The following BCL3 variants were observed in gnomAD, a reference collection of about 807,000 sequenced individuals.
BCL3 encodes B-cell lymphoma 3 protein.
In BCL3, 15 loss-of-function variants were observed where a neutral mutation model predicts 35.7. The observed-to-expected ratio is 0.42, with a 90% CI of 0.28 to 0.65. The LOEUF (loss-of-function observed/expected upper bound fraction) is 0.65. BCL3 is among the 30% of genes least tolerant of loss of function. BCL3 has a pLI of 0.22. For missense variants in BCL3, 565 were observed against 641.7 expected (o/e 0.88, Z 1.29); for synonymous variants, 311 against 284.3 (o/e 1.09, Z -0.95).
chr19:44,754,946 C>T (rs188161817), intron 2 of BCL3, among the ~76,000 whole-genome samples: 2 of 152,376 alleles, frequency 1.3e-5, no homozygotes, highest in Admixed American at 6.5e-5. Flanking sequence ...TTCTGCACTC[C>T]ATCAGAACCA....
chr19:44,759,655 C>T lies in BCL3; in HGVS notation c.*40C>T, dbSNP rs968796804. Reference sequence around the variant, plus strand: ...CAGATCTTGGACTCATGAGGAGGGGCCCCCCTGCCCTGTGGGGTCAACCCT... The same window carrying T: ...CAGATCTTGGACTCATGAGGAGGGGTCCCCCTGCCCTGTGGGGTCAACCCT... On this transcript the variant is annotated 3_prime_UTR_variant, in exon 9 of 9. Transcript: ENST00000164227. 1.3e-6 allele frequency: 2 copies of T among 1,490,478 alleles called. No homozygotes were observed. The highest frequency in any genetic ancestry group is 1.4e-5 in the African/African-American group (1 of 71,170). 92.3% of individuals were successfully genotyped at this position (1,490,478 alleles called of 1,614,324 possible). A position where few individuals can be genotyped will look rare whatever the true frequency, so the allele number is the denominator to read the frequency against.
chr19:44,758,598 G>T, intron 7 of BCL3, 126 bp from the exon 8 acceptor site: 1 of 1,257,864 alleles, frequency 7.9e-7, no homozygotes, highest in Non-Finnish European at 1.1e-6. Context: ...AAGAAAAAAA[G>T]TGCCTTGCCC....
intron 2 of BCL3, among the ~76,000 whole-genome samples, chr19:44,754,009 G>A (rs1250794792): frequency 6.6e-6 from 1 of 152,158 alleles, no homozygotes; most frequent in African/African-American, 2.4e-5. Flanking sequence ...AGAATTTCAC[G>A]ACAGCGGCAG....
At chr19:44,758,480 G>A in intron 7 of BCL3, 67 bp downstream of exon 7, 1 of 1,500,440 alleles carries the variant, frequency 6.7e-7, no homozygotes, top group Non-Finnish European at 8.9e-7. Context: ...GCAGGCGAGT[G>A]TGCCAGAGCG....
chr19:44,758,942 C>T lies in BCL3; in HGVS notation c.1177+101C>T, dbSNP rs1967359275. The T allele has an allele frequency of 3.0e-6, 3 of 1,012,256 alleles. No homozygotes were observed. In the African/African-American group the frequency reaches 5.0e-5, roughly 17 times the overall value. The allele number at this position is 1,012,256 out of a possible 1,614,324, so 62.7% of individuals were successfully genotyped here. A position where few individuals can be genotyped will look rare whatever the true frequency, so the allele number is the denominator to read the frequency against. On this transcript the variant is annotated intron_variant, in intron 8 of 8. Transcript: ENST00000164227. ...TCCCTCAGATCCAGGAGTCCAGGCCCCTAGCCTCCTCCCTCTGACCCAGGA... is the reference window on the plus strand; with the variant it reads ...TCCCTCAGATCCAGGAGTCCAGGCCTCTAGCCTCCTCCCTCTGACCCAGGA...
rs372174995 is a variant in BCL3 at position 44,759,418 on chromosome 19, C to A, written c.1178-10C>A. On this transcript the variant is annotated splice_polypyrimidine_tract_variant and intron_variant, in intron 8 of 8. Coordinates refer to ENST00000164227, the MANE Select transcript of BCL3 (RefSeq NM_005178.5). Reference sequence around the variant, plus strand: ...CACCACCCACCCCTCTGTCTCTCTTCCTTCCTCAGGTCTTCTCTCCGCATC... The same window carrying A: ...CACCACCCACCCCTCTGTCTCTCTTACTTCCTCAGGTCTTCTCTCCGCATC... The A allele has an allele frequency of 4.2e-5, 67 of 1,581,410 alleles. No homozygotes were observed. In the African/African-American group the frequency reaches 7.9e-4, roughly 19 times the overall value.
chr19:44,748,883 G>A lies in BCL3; in HGVS notation c.93G>A (p.Pro31=). The A allele has an allele frequency of 1.8e-6, 2 of 1,118,722 alleles. No homozygotes were observed. The highest frequency in any genetic ancestry group is 1.1e-6 in the Non-Finnish European group (1 of 918,046). 69.3% of individuals were successfully genotyped at this position (1,118,722 alleles called of 1,614,324 possible). The change falls in exon 1 of 9, where the codon CCG becomes CCA. Residue 31 remains proline, a synonymous_variant. Coordinates refer to ENST00000164227, the MANE Select transcript of BCL3 (RefSeq NM_005178.5). ...KAAGLPGAAL[P]LRKRPLRAPS... ...CCGGACTCCCGGGCGCCGCGCTGCC[G>A]CTCCGCAAGCGCCCGCTGCGCGCGC...
In BCL3 at chr19:44,757,421, C is replaced by A; in HGVS notation, c.813+6C>A. On this transcript the variant is annotated splice_donor_region_variant and intron_variant, in intron 5 of 8. Transcript: ENST00000164227. The surrounding 1 kb of genome is among the most constrained non-coding windows in gnomAD (Gnocchi z 8.4). ...GTGCCGACATCGACGCAGTGGTGAG[C>A]GTGCACTAGGAGCTGGGAGGGAGCG... The A allele has an allele frequency of 6.9e-7, 1 of 1,439,842 alleles. No individual in the cohort carries two copies. Among genetic ancestry groups the A allele is most frequent in the South Asian group, 1.2e-5 (1 of 85,444 alleles). 89.2% of individuals were successfully genotyped at this position (1,439,842 alleles called of 1,614,324 possible).
intron 2 of BCL3, among the ~76,000 whole-genome samples, chr19:44,751,642 C>T (rs2122282242): frequency 1.3e-5 from 2 of 152,294 alleles, no homozygotes; most frequent in Middle Eastern, 6.8e-3. Flanking sequence ...CACTCTGTCG[C>T]CCAGGCTGGA....
At chr19:44,758,976 C>A in intron 8 of BCL3, 135 bp downstream of exon 8, 3 of 743,964 alleles carry the variant, frequency 4.0e-6, no homozygotes, top group Non-Finnish European at 6.4e-6. Context: ...GAATCCCAAC[C>A]CATAGCCCCT....
Position 44,756,226 on chromosome 19 carries a change from C to A in BCL3, c.411-6C>A, listed in dbSNP as rs748951123. 5 of 1,471,414 alleles carry A rather than the reference C, an allele frequency of 3.4e-6. No homozygotes were observed. Among genetic ancestry groups the A allele is most frequent in the Non-Finnish European group, 4.5e-6 (5 of 1,101,368 alleles). 91.1% of individuals were successfully genotyped at this position (1,471,414 alleles called of 1,614,324 possible). On this transcript the variant is annotated splice_region_variant and splice_polypyrimidine_tract_variant and intron_variant, in intron 2 of 8. Transcript: ENST00000164227. The stretch of plus-strand genomic sequence containing the variant: ...GCCTGTGATTCCTTCACTCCCCCAC[C>A]CCCAGGCCTCTCCATATTGCTGTGG...
chr19:44,750,743 A>C (rs1967163304), intron 1 of BCL3, among the ~76,000 whole-genome samples: 1 of 152,096 alleles, frequency 6.6e-6, no homozygotes, highest in Admixed American at 6.6e-5. Flanking sequence ...AGATCGTGCC[A>C]CTGCACTCCA....
chr19:44,756,985 G>T, intron 3 of BCL3, 32 bp from the exon 4 acceptor site: 1 of 1,568,228 alleles, frequency 6.4e-7, no homozygotes, highest in South Asian at 1.1e-5. Context: ...AGCAGGGCTG[G>T]ACACAGGTCC....
At chr19:44,758,571 G>A in intron 7 of BCL3, 153 bp from the exon 8 acceptor site, 1 of 1,272,322 alleles carries the variant, frequency 7.9e-7, no homozygotes, top group South Asian at 1.4e-5. Context: ...TTCCAGAAAT[G>A]AGGAGAGACT....
At position 44,748,867 on chromosome 19, in the gene BCL3, C is replaced by T; in HGVS notation, c.77C>T (p.Pro26Leu). The change falls in exon 1 of 9, where the codon CCG (proline) becomes CTG (leucine). Residue 26 changes from proline to leucine, a missense_variant. By Grantham distance (98) the Pro-to-Leu change is moderately conservative (BLOSUM62 -3). Transcript: ENST00000164227. The part of the protein sequence containing the change: ...LRTRPKAAGL[P>L]GAALPLRKRP... ...ACCCGGCCCAAGGCCGCCGGACTCC[C>T]GGGCGCCGCGCTGCCGCTCCGCAAG... 9.0e-7 allele frequency: 1 copy of T among 1,107,036 alleles called. No individual in the cohort carries two copies. The highest frequency in any genetic ancestry group is 1.1e-6 in the Non-Finnish European group (1 of 910,698). The allele number at this position is 1,107,036 out of a possible 1,614,324, so 68.6% of individuals were successfully genotyped here.
At chr19:44,758,018 G>A (rs754718040) in intron 6 of BCL3, among the ~76,000 whole-genome samples, 20 of 152,056 alleles carry the variant, frequency 1.3e-4, no homozygotes, top group Admixed American at 7.2e-4. Context: ...CCCCCCTCCA[G>A]CTCCCCCGAC....
intron 3 of BCL3, 117 bp from the exon 4 acceptor site, chr19:44,756,900 C>T: frequency 1.0e-6 from 1 of 995,236 alleles, no homozygotes; most frequent in Admixed American, 2.7e-5. Flanking sequence ...GGAGGTGTCT[C>T]AGGTTTCTGT....
chr19:44,759,306 C>CTCTGGGTCTAG, intron 8 of BCL3, 122 bp from the exon 9 acceptor site: 1 of 681,024 alleles, frequency 1.5e-6, no homozygotes, highest in South Asian at 1.8e-5. Context: ...AGCCCCTCCT[C>CTCTGGGTCTAG]CCTCAGACCC....
intron 1 of BCL3, 28 bp downstream of exon 1, chr19:44,749,074 G>A (rs1568542075): frequency 1.6e-6 from 2 of 1,243,130 alleles, no homozygotes; most frequent in African/African-American, 1.6e-5. Flanking sequence ...GTCCGGGCCG[G>A]GTGGGATCCA....
Sources: allele counts gnomAD v4.1 joint callset (sites outside exome capture counted in the v4.1 genomes callset), GRCh38; gene constraint gnomAD v4.1.1; non-coding constraint Gnocchi (gnomAD v3.1); transcripts MANE v1.5; gene names NCBI Gene and HGNC (gene_info 2026-07-23, HGNC 2026-07-21).